The following TTC29 variants were observed in gnomAD, a reference collection of about 807,000 sequenced individuals.
TTC29 encodes the protein tetratricopeptide repeat protein 29.
TTC29 carries 49 observed loss-of-function variants against 58.1 expected under a neutral mutation model. The ratio of observed to expected loss-of-function variants is 0.84; its 90% CI spans 0.67 to 1.07. The LOEUF (loss-of-function observed/expected upper bound fraction) is 1.07. Ranked by LOEUF, TTC29 falls within the 50% of genes least tolerant of loss-of-function variation. The pLI is 0.00. For missense variants in TTC29, 582 were observed against 555.6 expected, an observed-to-expected ratio of 1.05 and a Z score of -0.48; for synonymous variants, 209 against 196.8, an observed-to-expected ratio of 1.06 and a Z score of -0.52.
intron 9 of TTC29, among the ~76,000 whole-genome samples, chr4:146,821,792 C>A (rs950846666): frequency 6.6e-6 from 1 of 151,998 alleles, no homozygotes; most frequent in African/African-American, 2.4e-5. Flanking sequence ...ACTTTGGGAG[C>A]CTAGCAAATG....
chr4:146,913,912 T>C (rs1372795833), intron 4 of TTC29, among the ~76,000 whole-genome samples: 1 of 152,130 alleles, frequency 6.6e-6, no homozygotes, highest in African/African-American at 2.4e-5. Context: ...AGTACATTTT[T>C]AAAAAAGATC....
intron 11 of TTC29, among the ~76,000 whole-genome samples, chr4:146,801,125 A>T (rs1193084525): frequency 6.6e-6 from 1 of 152,164 alleles, no homozygotes; most frequent in Admixed American, 6.5e-5. Flanking sequence ...GTGGTCAGAA[A>T]AGATTGAGAA....
rs139851565 is a variant in TTC29 at position 146,760,216 on chromosome 4, A to T, written c.1330+43241T>A. Among the ~76,000 whole-genome samples the T allele has an allele frequency of 8.5e-5, 13 of 152,138 alleles. No homozygotes were observed. In the East Asian group the frequency reaches 2.5e-3, roughly 29 times the overall value. On this transcript the variant is annotated intron_variant, in intron 11 of 12. Coordinates refer to ENST00000325106, the MANE Select transcript of TTC29 (RefSeq NM_031956.4). ...CTGCAAAAAATTTAAAATACTTAGC[A>T]ATATACCTAACCAAGGAGTTGAAAG...
At chr4:146,828,372 A>G (rs1365189329) in intron 9 of TTC29, among the ~76,000 whole-genome samples, 1 of 152,206 alleles carries the variant, frequency 6.6e-6, no homozygotes, top group Admixed American at 6.5e-5. Flanking sequence ...AAAATGTTCT[A>G]TCAAATTGTT....
intron 11 of TTC29, among the ~76,000 whole-genome samples, chr4:146,780,238 G>A (rs1748480530): frequency 6.6e-6 from 1 of 151,270 alleles, no homozygotes; most frequent in Admixed American, 6.6e-5. Flanking sequence ...GTAAAGGATT[G>A]AGCATTTTAA....
chr4:146,831,532 TC>T, intron 9 of TTC29: 2 of 232,930 alleles, frequency 8.6e-6, no homozygotes, highest in South Asian at 1.0e-4. Context: ...TGGTCCCCAG[TC>T]CTACCCAAAA....
At chr4:146,753,521 AT>A (rs1746187405) in intron 11 of TTC29, among the ~76,000 whole-genome samples, 1 of 152,204 alleles carries the variant, frequency 6.6e-6, no homozygotes, top group African/African-American at 2.4e-5. Context: ...AGAACTAGAA[AT>A]ACCATTTGAC....
chr4:146,843,478 T>C (rs1728978057), intron 8 of TTC29, among the ~76,000 whole-genome samples: 1 of 152,156 alleles, frequency 6.6e-6, no homozygotes, highest in Non-Finnish European at 1.5e-5. Flanking sequence ...ATACATTGAC[T>C]GCTTACGTTG....
chr4:146,838,779 C>T (rs897242569), intron 8 of TTC29, among the ~76,000 whole-genome samples: 1 of 151,980 alleles, frequency 6.6e-6, no homozygotes, highest in Non-Finnish European at 1.5e-5. Context: ...TGGTATTCAT[C>T]CTCCTTTCTA....
intron 3 of TTC29, among the ~76,000 whole-genome samples, 152 bp downstream of exon 3, chr4:146,939,652 C>T (rs140515152): frequency 1.4e-3 from 207 of 152,178 alleles, no homozygotes; most frequent in Admixed American, 4.2e-3. Flanking sequence ...GTTCATAAAT[C>T]CTTTTGAAAC....
At chr4:146,866,608 G>C (rs1730580101) in intron 8 of TTC29, among the ~76,000 whole-genome samples, 1 of 152,042 alleles carries the variant, frequency 6.6e-6, no homozygotes, top group Admixed American at 6.6e-5. Flanking sequence ...CAAGGTATCA[G>C]AAACAAAGTT....
chr4:146,728,523 G>T (rs957463802), intron 11 of TTC29, among the ~76,000 whole-genome samples: 1 of 151,156 alleles, frequency 6.6e-6, no homozygotes, highest in African/African-American at 2.4e-5. Flanking sequence ...TTGCCTGAAA[G>T]GTCTTCCCCA....
At chr4:146,764,025 T>C (rs1747105418) in intron 11 of TTC29, 1 of 152,090 alleles carries the variant, frequency 6.6e-6, no homozygotes, top group Non-Finnish European at 1.5e-5. Context: ...ATCCCCCTGC[T>C]ATGGCAATGC....
chr4:146,820,224 A>C lies in TTC29; in HGVS notation c.1002T>G (p.Ile334Met), dbSNP rs989972412. The change falls in exon 10 of 13, where the codon ATT (isoleucine) becomes ATG (methionine). Residue 334 changes from isoleucine (I) to methionine (M), a missense_variant. Coordinates refer to ENST00000325106, the MANE Select transcript of TTC29 (RefSeq NM_031956.4). ...TTTTCACAAATTTTTTCAAGTATTT[A>C]ATTGCTTCTGTCATCTCTCCTTGGC... ...LQSQGEMTEAIKYLKKFVKIA... is the reference protein window; with the variant it reads ...LQSQGEMTEAMKYLKKFVKIA... The C allele has an allele frequency of 7.4e-6, 12 of 1,612,412 alleles. No individual in the cohort carries two copies. The highest frequency in any genetic ancestry group is 1.0e-5 in the Non-Finnish European group (12 of 1,179,728).
intron 11 of TTC29, among the ~76,000 whole-genome samples, chr4:146,786,611 C>T (rs112058905): frequency 6.6e-6 from 1 of 152,314 alleles, no homozygotes; most frequent in African/African-American, 2.4e-5. Context: ...GGTTCCACAA[C>T]TCTTTCCTAG....
At chr4:146,777,012 G>A (rs111788727) in intron 11 of TTC29, among the ~76,000 whole-genome samples, 12 of 152,238 alleles carry the variant, frequency 7.9e-5, no homozygotes, top group Admixed American at 3.9e-4. Flanking sequence ...TGGTGGTGGC[G>A]GTGGTGCAGG....
intron 6 of TTC29, among the ~76,000 whole-genome samples, chr4:146,888,126 A>C (rs1340829283): frequency 6.6e-6 from 1 of 152,150 alleles, no homozygotes; most frequent in Non-Finnish European, 1.5e-5. Context: ...TCTTGAACAC[A>C]AGTGGAGTAG....
intron 11 of TTC29, among the ~76,000 whole-genome samples, chr4:146,788,633 A>G (rs1749212216): frequency 6.6e-6 from 1 of 151,890 alleles, no homozygotes; most frequent in Non-Finnish European, 1.5e-5. Flanking sequence ...TCTAGAATGC[A>G]TCTAAATAGA....
At chr4:146,806,110 C>T (rs1332791616) in intron 10 of TTC29, among the ~76,000 whole-genome samples, 2 of 152,140 alleles carry the variant, frequency 1.3e-5, no homozygotes, top group Non-Finnish European at 2.9e-5. Context: ...ATTTTCAACT[C>T]AGAATTTCAT....
Sources: gnomAD v4.1 joint callset for allele counts (sites outside exome capture counted in the v4.1 genomes callset) on GRCh38, gnomAD v4.1.1 for gene constraint, MANE v1.5 for transcripts, NCBI Gene and HGNC (gene_info 2026-07-23, HGNC 2026-07-21) for gene names.